SPATA33: variants seen among roughly 807,000 people sequenced by gnomAD.
SPATA33 encodes spermatogenesis-associated protein 33.
In SPATA33, 10 loss-of-function variants were observed where a neutral mutation model predicts 8.9. That is an observed-to-expected ratio of 1.12 (90% CI 0.69 to 1.90). SPATA33 has a LOEUF of 1.90. Ranked by LOEUF, SPATA33 falls within the 40% of genes most tolerant of loss-of-function variation. The probability of loss-of-function intolerance (pLI) is 0.00; values close to 1 mark genes in which losing one functional copy is unlikely to be tolerated. For missense variants in SPATA33, 241 were observed against 178.3 expected (o/e 1.35, Z -2.00); for synonymous variants, 96 against 72.8 (o/e 1.32, Z -1.63).
chr16:89,660,179 C>A (rs1266478977), intron 2 of SPATA33: 4 of 221,360 alleles, frequency 1.8e-5, no homozygotes, highest in Non-Finnish European at 3.5e-5. Flanking sequence ...GTCCACAGCC[C>A]CCGATGAGTG....
chr16:89,662,550 A>G (rs969244813), intron 2 of SPATA33, among the ~76,000 whole-genome samples: 2 of 151,540 alleles, frequency 1.3e-5, no homozygotes, highest in African/African-American at 4.9e-5. Context: ...CAGCCTCCCA[A>G]GTAGCTGGGA....
In SPATA33 at chr16:89,658,353, A is replaced by C. The variant is rs2059913215; in HGVS notation, c.143A>C (p.Lys48Thr). The C allele has an allele frequency of 6.2e-7, 1 of 1,613,700 alleles. No individual in the cohort carries two copies. The highest frequency in any genetic ancestry group is 1.7e-5 in the Admixed American group (1 of 59,994). ...AGGCAGGCAGACAGGGAGTCGGAGAAGCCTGTGGACAGCCTCCACCCGGGG... is the reference window on the plus strand; with the variant it reads ...AGGCAGGCAGACAGGGAGTCGGAGACGCCTGTGGACAGCCTCCACCCGGGG... Reference protein sequence around the residue: ...EARQADRESEKPVDSLHPGAG... With the variant: ...EARQADRESETPVDSLHPGAG... The change falls in exon 2 of 3, where the codon AAG (lysine) becomes ACG (threonine). Residue 48 changes from lysine (K) to threonine (T), a missense_variant. Coordinates refer to ENST00000579310, the MANE Select transcript of SPATA33 (RefSeq NM_001271907.2).
Position 89,669,529 on chromosome 16 carries a change from C to T in SPATA33, c.*32C>T. On this transcript the variant is annotated 3_prime_UTR_variant, in exon 3 of 3. Transcript: ENST00000579310. ...ACCTTTGCATGGCACTCGCTACTCCCTGCGATAGGCGTCTCGGGAACAGCC... is the reference window on the plus strand; with the variant it reads ...ACCTTTGCATGGCACTCGCTACTCCTTGCGATAGGCGTCTCGGGAACAGCC... The T allele has an allele frequency of 6.3e-7, 1 of 1,597,682 alleles. No individual in the cohort carries two copies. The highest frequency in any genetic ancestry group is 8.6e-7 in the Non-Finnish European group (1 of 1,168,878).
chr16:89,663,426 T>C (rs2059988203), intron 2 of SPATA33, among the ~76,000 whole-genome samples: 1 of 152,110 alleles, frequency 6.6e-6, no homozygotes, highest in Non-Finnish European at 1.5e-5. Flanking sequence ...TTGGTCAGGC[T>C]GGTCTCAAAC....
At chr16:89,665,600 C>T (rs2060016483) in intron 2 of SPATA33, among the ~76,000 whole-genome samples, 2 of 152,104 alleles carry the variant, frequency 1.3e-5, no homozygotes, top group East Asian at 1.9e-4. Context: ...AGGCGTGAGC[C>T]ACTGCGTCTG....
rs575987880 is a variant in SPATA33, at chr16:89,660,446, G to T, written c.211+2025G>T. On this transcript the variant is annotated intron_variant, in intron 2 of 2. Coordinates refer to ENST00000579310, the MANE Select transcript of SPATA33 (RefSeq NM_001271907.2). ...AGCAGTGTCTGTCACACCAGAGGGT[G>T]GGGGAGGAAGGTGGACATGAAGGGA... The T allele has an allele frequency of 9.7e-6, 12 of 1,231,288 alleles. No homozygotes were observed. The South Asian group carries it at 3.7e-4, about 38-fold the overall frequency. The allele number at this position is 1,231,288 out of a possible 1,614,324, so 76.3% of individuals were successfully genotyped here.
chr16:89,668,776 C>T (rs960689971), intron 2 of SPATA33, among the ~76,000 whole-genome samples: 18 of 152,266 alleles, frequency 1.2e-4, no homozygotes, highest in African/African-American at 4.3e-4. Context: ...TACGTGGCAA[C>T]GCTCGGCAGG....
Position 89,669,595 on chromosome 16 carries a change from C to A in SPATA33, c.*98C>A. On this transcript the variant is annotated 3_prime_UTR_variant, in exon 3 of 3. Coordinates refer to ENST00000579310, the MANE Select transcript of SPATA33 (RefSeq NM_001271907.2). ...AAGCCGAGGCCCCTTCTCCAGTGCT[C>A]TCGGGGAGGTTGCACCAGGCCCACC... The A allele has an allele frequency of 7.9e-7, 1 of 1,266,886 alleles. No homozygotes were observed. The highest frequency in any genetic ancestry group is 1.1e-6 in the Non-Finnish European group (1 of 914,368). 78.5% of individuals were successfully genotyped at this position (1,266,886 alleles called of 1,614,324 possible).
intron 2 of SPATA33, 157 bp downstream of exon 2, chr16:89,658,578 G>A (rs186099622): frequency 1.1e-5 from 10 of 919,908 alleles, no homozygotes; most frequent in African/African-American, 1.0e-4. Flanking sequence ...TATGTAGGAG[G>A]TAAATATCCA....
Position 89,658,495 on chromosome 16 carries a change from G to C in SPATA33, c.211+74G>C, listed in dbSNP as rs990489790. ...CTGGGGCTGGGGTGAGGAGCCTACT[G>C]TAAGACCCTACCGGATGGACACTAG... On this transcript the variant is annotated intron_variant, in intron 2 of 2. Coordinates refer to ENST00000579310, the MANE Select transcript of SPATA33 (RefSeq NM_001271907.2). 4 of 1,518,044 alleles carry C rather than the reference G, an allele frequency of 2.6e-6. No individual in the cohort carries two copies. In the Admixed American group the frequency reaches 6.5e-5, roughly 25 times the overall value. 94.0% of individuals were successfully genotyped at this position (1,518,044 alleles called of 1,614,324 possible).
At position 89,658,607 on chromosome 16, in the gene SPATA33, A is replaced by G. The variant is rs1005867543; in HGVS notation, c.211+186A>G. ...ATATCCAGAAATCTTAGTTGAAAAC[A>G]TAAGTTTAATGAAAATGTAGGTCAG... On this transcript the variant is annotated intron_variant, in intron 2 of 2. Transcript: ENST00000579310. The G allele has an allele frequency of 5.1e-6, 4 of 791,764 alleles. No homozygotes were observed. In the Admixed American group the frequency reaches 8.8e-5, roughly 17 times the overall value. 49.0% of individuals were successfully genotyped at this position (791,764 alleles called of 1,614,324 possible). A position where few individuals can be genotyped will look rare whatever the true frequency, so the allele number is the denominator to read the frequency against.
intron 2 of SPATA33, 125 bp from the exon 3 acceptor site, chr16:89,669,161 C>G (rs2055606426): frequency 2.4e-6 from 2 of 830,762 alleles, no homozygotes; most frequent in Non-Finnish European, 3.9e-6. Context: ...CACTTTTGGA[C>G]TCACCCATTT....
intron 2 of SPATA33, among the ~76,000 whole-genome samples, chr16:89,664,242 A>G (rs1009846002): frequency 6.6e-6 from 1 of 152,246 alleles, no homozygotes; most frequent in Non-Finnish European, 1.5e-5. Context: ...AAATATTTAC[A>G]TCTATGAGAG....
chr16:89,669,790 G>A lies in SPATA33; in HGVS notation c.*293G>A. 4.5e-6 allele frequency: 2 copies of A among 449,136 alleles called. No homozygotes were observed. Among genetic ancestry groups the A allele is most frequent in the South Asian group, 2.4e-5 (1 of 41,598 alleles). The allele number at this position is 449,136 out of a possible 1,614,324, so 27.8% of individuals were successfully genotyped here. A position where few individuals can be genotyped will look rare whatever the true frequency, so the allele number is the denominator to read the frequency against. On this transcript the variant is annotated 3_prime_UTR_variant, in exon 3 of 3. Transcript: ENST00000579310. ...GCAGTCCCCTTCTCCAGTGCTCTCG[G>A]GGAGGGTGCACCAGGCCCACCCCAC...
At position 89,658,278 on chromosome 16, in the gene SPATA33, C is replaced by A. The variant is rs371422726; in HGVS notation, c.68C>A (p.Ser23Ter). ...GEEQKKGSTY[S>*]VPKSKEKLME... ...GAGCAAAAGAAGGGATCCACCTATT[C>A]AGTTCCAAAATCTAAGGAGAAGTTG... is the stretch of plus-strand genomic sequence containing the variant. The change falls in exon 2 of 3, where the codon TCA (serine) becomes TAA (stop). Residue 23 changes from serine to a stop codon, truncating the protein, a stop_gained. Transcript: ENST00000579310. LOFTEE classifies it high-confidence loss of function. The A allele has an allele frequency of 6.2e-7, 1 of 1,614,184 alleles. No homozygotes were observed. Among genetic ancestry groups the A allele is most frequent in the East Asian group, 2.2e-5 (1 of 44,882 alleles).
chr16:89,660,389 G>T, intron 2 of SPATA33: 2 of 1,047,526 alleles, frequency 1.9e-6, no homozygotes, highest in Non-Finnish European at 2.4e-6. Context: ...AACGGAAGTG[G>T]GGGAAGGAGG....
chr16:89,659,968 C>T (rs1042880360), intron 2 of SPATA33: 1 of 152,294 alleles, frequency 6.6e-6, no homozygotes, highest in Non-Finnish European at 1.5e-5. Flanking sequence ...TAGCATCACC[C>T]TTGGGTGGCA....
At chr16:89,668,971 T>TTCCTGCCTGGACGTGTGCCCTCCC (rs1434223744) in intron 2 of SPATA33, among the ~76,000 whole-genome samples, 2 of 152,130 alleles carry the variant, frequency 1.3e-5, no homozygotes, top group African/African-American at 4.8e-5. Context: ...TCTGAGGCGG[T>TTCCTGCCTGGACGTGTGCCCTCCC]TCCTGCCTGG....
chr16:89,666,336 C>T (rs1010335053), intron 2 of SPATA33, among the ~76,000 whole-genome samples: 25 of 152,078 alleles, frequency 1.6e-4, no homozygotes, highest in Admixed American at 1.6e-3. Flanking sequence ...GCGCTCCTTC[C>T]TGGGCTACAG....
Sources: gnomAD v4.1 joint callset for allele counts (sites outside exome capture counted in the v4.1 genomes callset) on GRCh38, gnomAD v4.1.1 for gene constraint, MANE v1.5 for transcripts, NCBI Gene and HGNC (gene_info 2026-07-23, HGNC 2026-07-21) for gene names.